NEK10: variants seen among roughly 807,000 people sequenced by gnomAD.
The protein encoded by NEK10 is NIMA related kinase 10.
NEK10 carries 122 observed loss-of-function variants against 159.8 expected under a neutral mutation model. The observed-to-expected ratio is 0.76, with a 90% CI of 0.66 to 0.89. NEK10 has a LOEUF of 0.89. NEK10 is among the 40% of genes least tolerant of loss of function. The pLI, the probability that NEK10 is intolerant of heterozygous loss-of-function variation, is 0.00. For synonymous variants in NEK10, 466 were observed against 457.1 expected (o/e 1.02, Z -0.25); for missense variants, 1,342 against 1,323.1 (o/e 1.01, Z -0.22).
At chr3:27,184,407 G>C (rs1389346236) in intron 26 of NEK10, among the ~76,000 whole-genome samples, 1 of 152,128 alleles carries the variant, frequency 6.6e-6, no homozygotes, top group African/African-American at 2.4e-5. Context: ...TACGTCCTGG[G>C]GCAGAGAATT....
At chr3:27,135,531 T>C (rs1215939595) in intron 31 of NEK10, among the ~76,000 whole-genome samples, 2 of 152,210 alleles carry the variant, frequency 1.3e-5, no homozygotes, top group Non-Finnish European at 2.9e-5. Context: ...GATTTCTACA[T>C]ATGGAAGAAT....
At chr3:27,253,434 AT>A (rs985198130) in intron 23 of NEK10, among the ~76,000 whole-genome samples, 6 of 152,264 alleles carry the variant, frequency 3.9e-5, no homozygotes, top group East Asian at 3.9e-4. Flanking sequence ...ATATTTGGAT[AT>A]TTTTTTCCCT....
intron 1 of NEK10, among the ~76,000 whole-genome samples, chr3:27,353,963 G>A (rs2048152074): frequency 6.6e-6 from 1 of 152,094 alleles, no homozygotes; most frequent in Non-Finnish European, 1.5e-5. Context: ...GGATCTGCAA[G>A]GTAGTGTTTA....
At chr3:27,360,454 T>C in intron 1 of NEK10, among the ~76,000 whole-genome samples, 1 of 152,212 alleles carries the variant, frequency 6.6e-6, no homozygotes, top group East Asian at 1.9e-4. Context: ...ATGATTCAGC[T>C]CCCTTCTACT....
intron 20 of NEK10, among the ~76,000 whole-genome samples, chr3:27,285,230 A>G (rs1246648168): frequency 6.6e-6 from 1 of 152,128 alleles, no homozygotes; most frequent in East Asian, 1.9e-4. Flanking sequence ...ATCATTTTCT[A>G]TGTATGCCAG....
chr3:27,143,625 G>C (rs1944001138), intron 30 of NEK10, among the ~76,000 whole-genome samples: 1 of 152,030 alleles, frequency 6.6e-6, no homozygotes, highest in Admixed American at 6.6e-5. Context: ...AAATACTTTT[G>C]ATTACTTAGT....
At chr3:27,253,447 G>A (rs1955867239) in intron 23 of NEK10, among the ~76,000 whole-genome samples, 1 of 152,118 alleles carries the variant, frequency 6.6e-6, no homozygotes, top group African/African-American at 2.4e-5. Context: ...TTTTTCCCTT[G>A]AGAAGGATAA....
chr3:27,252,935 T>G, intron 23 of NEK10: 1 of 507,980 alleles, frequency 2.0e-6, no homozygotes, highest in Non-Finnish European at 3.9e-6. Flanking sequence ...TTAAGTGTTT[T>G]AAGCCACTTA....
chr3:27,342,408 C>G (rs1171052595), intron 5 of NEK10, among the ~76,000 whole-genome samples: 1 of 152,078 alleles, frequency 6.6e-6, no homozygotes, highest in African/African-American at 2.4e-5. Context: ...CATCTTTTAC[C>G]CAATGCCTTT....
intron 31 of NEK10, among the ~76,000 whole-genome samples, chr3:27,133,168 C>T (rs1212723394): frequency 1.3e-5 from 2 of 152,188 alleles, no homozygotes; most frequent in African/African-American, 4.8e-5. Context: ...AGGAACAGGG[C>T]CACCTGAGCA....
intron 23 of NEK10, among the ~76,000 whole-genome samples, chr3:27,253,260 C>T (rs1955845657): frequency 1.3e-5 from 2 of 152,108 alleles, no homozygotes; most frequent in South Asian, 4.1e-4. Context: ...ATACATCATA[C>T]TAGCTTCATA....
intron 23 of NEK10, chr3:27,252,769 C>A: frequency 2.5e-6 from 1 of 405,326 alleles, no homozygotes; most frequent in South Asian, 1.8e-5. Flanking sequence ...TGTGCAAAGG[C>A]CCTGTGGTCA....
intron 1 of NEK10, among the ~76,000 whole-genome samples, chr3:27,361,730 A>G (rs2048698265): frequency 1.3e-5 from 2 of 152,220 alleles, no homozygotes; most frequent in Admixed American, 1.3e-4. Context: ...ACAAGTGAAG[A>G]GAAGACTGAA....
intron 5 of NEK10, among the ~76,000 whole-genome samples, chr3:27,343,327 A>T (rs1157064023): frequency 6.6e-6 from 1 of 152,226 alleles, no homozygotes; most frequent in African/African-American, 2.4e-5. Flanking sequence ...ATGCTGTTCT[A>T]CTTAAAATCA....
intron 11 of NEK10, among the ~76,000 whole-genome samples, chr3:27,305,952 G>C (rs564522414): frequency 3.9e-5 from 6 of 152,062 alleles, no homozygotes; most frequent in Non-Finnish European, 7.4e-5. Context: ...CATGATCTCA[G>C]CCCAGGCATT....
intron 5 of NEK10, among the ~76,000 whole-genome samples, chr3:27,331,128 T>C (rs1265579146): frequency 6.6e-6 from 1 of 151,122 alleles, no homozygotes; most frequent in Non-Finnish European, 1.5e-5. Flanking sequence ...TCCCAGCTAC[T>C]CGGGAGGCCG....
rs148426258 is a variant in NEK10, at chr3:27,158,927, G to A, written c.2869+3774C>T. Among the ~76,000 whole-genome samples, 417 of 152,126 alleles carry A rather than the reference G, an allele frequency of 2.7e-3. 3 individuals are homozygous for A. Among genetic ancestry groups the A allele is most frequent in the African/African-American group, 9.8e-3 (405 of 41,508 alleles). On this transcript the variant is annotated intron_variant, in intron 30 of 35. Coordinates refer to ENST00000691995, the MANE Select transcript of NEK10 (RefSeq NM_001394966.1). ...CATTTCCCTTGTCTTGAAAGGAAAC[G>A]ATTATTTCTTTTTTATACAAGACAG...
chr3:27,178,336 A>G (rs1187481695), intron 26 of NEK10, among the ~76,000 whole-genome samples: 4 of 152,208 alleles, frequency 2.6e-5, no homozygotes. Context: ...AAATTGCCAG[A>G]AAGTTTTAGG....
rs986292531 is a variant in NEK10 at position 27,107,880 on chromosome 3, T to A, written c.*3392A>T. 3.9e-5 allele frequency among the ~76,000 whole-genome samples: 6 copies of A among 152,214 alleles called. No individual in the cohort carries two copies. Among genetic ancestry groups the A allele is most frequent in the African/African-American group, 1.4e-4 (6 of 41,440 alleles). On this transcript the variant is annotated 3_prime_UTR_variant, in exon 36 of 36. Coordinates refer to ENST00000691995, the MANE Select transcript of NEK10 (RefSeq NM_001394966.1). ...AGGAACCCAGCATATTGACTGTGCA[T>A]GATTCCTCACCACTTCAAAAAAAGA...
Sources: gnomAD v4.1 joint callset for allele counts (sites outside exome capture counted in the v4.1 genomes callset) on GRCh38, gnomAD v4.1.1 for gene constraint, MANE v1.5 for transcripts, NCBI Gene and HGNC (gene_info 2026-07-23, HGNC 2026-07-21) for gene names.